The following PLIN1 variants were observed in gnomAD, a reference collection of about 807,000 sequenced individuals.
The protein encoded by PLIN1 is perilipin-1.
PLIN1 carries 37 observed loss-of-function variants against 45.8 expected under a neutral mutation model. That is an observed-to-expected ratio of 0.81 (90% CI 0.62 to 1.06). PLIN1 has a LOEUF of 1.06. Ranked by LOEUF, PLIN1 falls within the 50% of genes least tolerant of loss-of-function variation. The pLI, the probability that PLIN1 is intolerant of heterozygous loss-of-function variation, is 0.00. For missense variants in PLIN1, 776 were observed against 716.5 expected, an observed-to-expected ratio of 1.08 and a Z score of -0.95; for synonymous variants, 340 against 309.2, an observed-to-expected ratio of 1.10 and a Z score of -1.05.
chr15:89,666,134 C>T (rs1029721930), intron 8 of PLIN1, among the ~76,000 whole-genome samples, 192 bp from the exon 9 acceptor site: 4 of 152,224 alleles, frequency 2.6e-5, no homozygotes, highest in African/African-American at 9.6e-5. Flanking sequence ...TGAGCTTCTC[C>T]ATGGACCAGG....
rs774850573 is a variant in PLIN1, at chr15:89,666,962, C to T, written c.1183G>A (p.Val395Met). ...DALKGVTDNV[V>M]DTVVHYVPLP... ...GGCACGTAATGCACCACTGTGTCCA[C>T]CACGTTGTCAGTAACGCCCTTCAGG... The change falls in exon 8 of 9, where the codon GTG becomes ATG. Residue 395 changes from valine to methionine, a missense_variant. Val to Met is a conservative substitution (Grantham distance 21). Transcript: ENST00000300055. The T allele has an allele frequency of 4.3e-6, 7 of 1,614,110 alleles. No individual in the cohort carries two copies. In the Admixed American group the frequency reaches 1.2e-4, roughly 27 times the overall value.
chr15:89,671,759 TTCTG>T (rs1208492394), intron 3 of PLIN1, among the ~76,000 whole-genome samples, 195 bp from the exon 4 acceptor site: 1 of 152,088 alleles, frequency 6.6e-6, no homozygotes, highest in African/African-American at 2.4e-5. Flanking sequence ...GGCCAGTTTC[TTCTG>T]TCTGTGTGGG....
At chr15:89,665,981 C>G (rs1332944096) in intron 8 of PLIN1, 39 bp from the exon 9 acceptor site, 3 of 1,409,388 alleles carry the variant, frequency 2.1e-6, no homozygotes, top group Non-Finnish European at 2.8e-6. Flanking sequence ...CTGGCTTGGC[C>G]CTGGGCCCTG....
intron 2 of PLIN1, among the ~76,000 whole-genome samples, chr15:89,676,026 A>C (rs1349758686): frequency 6.9e-6 from 1 of 145,144 alleles, no homozygotes. Flanking sequence ...ATGAATGTTG[A>C]GAATTCTCCA....
chr15:89,669,249 G>C (rs1425687904), intron 6 of PLIN1, among the ~76,000 whole-genome samples: 1 of 152,166 alleles, frequency 6.6e-6, no homozygotes, highest in Admixed American at 6.5e-5. Context: ...ATAGAAGTGA[G>C]TGGTGGGGAA....
At position 89,665,715 on chromosome 15, in the gene PLIN1, C is replaced by G; in HGVS notation, c.1437G>C (p.Ala479=). The G allele has an allele frequency of 6.8e-7, 1 of 1,461,998 alleles. No individual in the cohort carries two copies. 90.6% of individuals were successfully genotyped at this position (1,461,998 alleles called of 1,614,324 possible). ...GCACGGCCGGGAAGCCCGGGCGCGGCGCTGCGGGCGTGGCGACTTCGTCCT... is the reference window on the plus strand; with the variant it reads ...GCACGGCCGGGAAGCCCGGGCGCGGGGCTGCGGGCGTGGCGACTTCGTCCT... ...GLEDEVATPA[A]PRPGFPAVPR... is the part of the protein sequence containing the mutation. The change falls in exon 9 of 9, where the codon GCG becomes GCC. Residue 479 remains alanine, a synonymous_variant. Coordinates refer to ENST00000300055, the MANE Select transcript of PLIN1 (RefSeq NM_002666.5).
chr15:89,665,180 A>C lies in PLIN1; in HGVS notation c.*403T>G, dbSNP rs886269084. On this transcript the variant is annotated 3_prime_UTR_variant, in exon 9 of 9. Coordinates refer to ENST00000300055, the MANE Select transcript of PLIN1 (RefSeq NM_002666.5). ...CAAAACCTTCTGTCTGGACCTTCAG[A>C]GTGGTGACAGGAGTTACTCATTCGT... 4.1e-6 allele frequency: 1 copy of C among 244,098 alleles called. No homozygotes were observed. Among genetic ancestry groups the C allele is most frequent in the African/African-American group, 2.3e-5 (1 of 43,776 alleles). 15.1% of individuals were successfully genotyped at this position (244,098 alleles called of 1,614,324 possible).
rs1964328681 is a variant in PLIN1 at position 89,665,823 on chromosome 15, C to T, written c.1329G>A (p.Pro443=). ...GCTGTGCGAGACGCGGGGCGGGCTCCGGGCCGGCGGACGGCGCCCCAGACG... is the reference window on the plus strand; with the variant it reads ...GCTGTGCGAGACGCGGGGCGGGCTCTGGGCCGGCGGACGGCGCCCCAGACG... ...RRASGAPSAG[P]EPAPRLAQPR... Residue 443 remains proline, a synonymous_variant, in exon 9 of 9, where the codon CCG becomes CCA. Coordinates refer to ENST00000300055, the MANE Select transcript of PLIN1 (RefSeq NM_002666.5). 1.2e-5 allele frequency: 17 copies of T among 1,403,844 alleles called. No individual in the cohort carries two copies. Among genetic ancestry groups the T allele is most frequent in the African/African-American group, 1.5e-5 (1 of 67,124 alleles). The allele number at this position is 1,403,844 out of a possible 1,614,324, so 87.0% of individuals were successfully genotyped here. A position where few individuals can be genotyped will look rare whatever the true frequency, so the allele number is the denominator to read the frequency against.
In PLIN1 at chr15:89,669,984, C is replaced by T. The variant is rs776872799; in HGVS notation, c.594G>A (p.Glu198=). Residue 198 remains glutamate (E), a synonymous_variant, in exon 5 of 9, where the codon GAG becomes GAA. Coordinates refer to ENST00000300055, the MANE Select transcript of PLIN1 (RefSeq NM_002666.5). ...GAGCCTCCGAATGGCAGGTACCTGACTCTTCCTTGTCTGGAGGGAGGAGGT... is the reference window on the plus strand; with the variant it reads ...GAGCCTCCGAATGGCAGGTACCTGATTCTTCCTTGTCTGGAGGGAGGAGGT... ...VEYLLPPDKE[E]SAPAPGHQQA... The T allele has an allele frequency of 3.7e-6, 6 of 1,610,962 alleles. No homozygotes were observed. Among genetic ancestry groups the T allele is most frequent in the Admixed American group, 3.3e-5 (2 of 59,872 alleles).
At chr15:89,675,580 C>G (rs917841987) in intron 2 of PLIN1, among the ~76,000 whole-genome samples, 1 of 151,582 alleles carries the variant, frequency 6.6e-6, no homozygotes, top group Non-Finnish European at 1.5e-5. Context: ...GCACTCCAGC[C>G]GGGGTGACAG....
rs1368361828 is a variant in PLIN1, at chr15:89,677,334, G to C, written c.45+111C>G. The C allele has an allele frequency of 8.8e-6, 8 of 907,314 alleles. No homozygotes were observed. The East Asian group carries it at 1.7e-4, about 19-fold the overall frequency. The allele number at this position is 907,314 out of a possible 1,614,324, so 56.2% of individuals were successfully genotyped here. A position where few individuals can be genotyped will look rare whatever the true frequency, so the allele number is the denominator to read the frequency against. On this transcript the variant is annotated intron_variant, in intron 2 of 8. Transcript: ENST00000300055. ...CTAAGCCATGGTAGTCAATGAACTAGGATTATAATCTGGGAATATCTTGCT... is the reference window on the plus strand; with the variant it reads ...CTAAGCCATGGTAGTCAATGAACTACGATTATAATCTGGGAATATCTTGCT...
chr15:89,671,430 G>C, intron 4 of PLIN1, 52 bp downstream of exon 4: 1 of 1,266,872 alleles, frequency 7.9e-7, no homozygotes, highest in Non-Finnish European at 1.1e-6. Flanking sequence ...TCCTCCCTGA[G>C]AGGCGGTGAC....
chr15:89,665,554 G>GC lies in PLIN1; in HGVS notation c.*28dup. On this transcript the variant is annotated 3_prime_UTR_variant, in exon 9 of 9. Transcript: ENST00000300055. ...GTTTATTTGTTAGAGAAACCCGCCGGCCCGGGGCGCGGCGGCTGGTGCGGC... is the reference window on the plus strand; with the variant it reads ...GTTTATTTGTTAGAGAAACCCGCCGGCCCCGGGGCGCGGCGGCTGGTGCGGC... The GC allele has an allele frequency of 6.6e-7, 1 of 1,522,628 alleles. No individual in the cohort carries two copies. Among genetic ancestry groups the GC allele is most frequent in the Non-Finnish European group, 8.8e-7 (1 of 1,137,202 alleles). 94.3% of individuals were successfully genotyped at this position (1,522,628 alleles called of 1,614,324 possible). A position where few individuals can be genotyped will look rare whatever the true frequency, so the allele number is the denominator to read the frequency against.
intron 5 of PLIN1, 26 bp from the exon 6 acceptor site, chr15:89,669,698 A>C (rs1436065083): frequency 6.2e-7 from 1 of 1,610,376 alleles, no homozygotes; most frequent in Admixed American, 1.7e-5. Flanking sequence ...GGGGGAAAGA[A>C]GAGAAAACAG....
At chr15:89,670,565 A>G (rs1964425170) in intron 4 of PLIN1, among the ~76,000 whole-genome samples, 1 of 152,144 alleles carries the variant, frequency 6.6e-6, no homozygotes, top group Non-Finnish European at 1.5e-5. Flanking sequence ...CTCACAAGGA[A>G]TCTCCTCCAT....
chr15:89,673,392 C>T lies in PLIN1; in HGVS notation c.68G>A (p.Arg23Gln), dbSNP rs558758115. The change falls in exon 3 of 9, where the codon CGG becomes CAG. Residue 23 changes from arginine to glutamine, a missense_variant. Coordinates refer to ENST00000300055, the MANE Select transcript of PLIN1 (RefSeq NM_002666.5). ...DLPEQENVLQ[R>Q]VLQLPVVSGT... ...ACTCACCACCGGCAGCTGCAGGACC[C>T]GCTGCAGCACATTCTCCTGCTCCTG... 19 of 1,602,336 alleles carry T rather than the reference C, an allele frequency of 1.2e-5. No homozygotes were observed. The highest frequency in any genetic ancestry group is 2.7e-5 in the African/African-American group (2 of 74,888).
In PLIN1 at chr15:89,669,959, G is replaced by A. The variant is rs78793278; in HGVS notation, c.598+21C>T. 1,383 of 1,603,666 alleles carry A rather than the reference G, an allele frequency of 8.6e-4. 7 individuals are homozygous for A. The African/African-American group carries it at 0.016, about 19-fold the overall frequency. On this transcript the variant is annotated intron_variant, in intron 5 of 8. Coordinates refer to ENST00000300055, the MANE Select transcript of PLIN1 (RefSeq NM_002666.5). ...GTGTGTGACAACTCACTCCCAGGCC[G>A]AGCCTCCGAATGGCAGGTACCTGAC... is the stretch of plus-strand genomic sequence containing the variant.
intron 3 of PLIN1, among the ~76,000 whole-genome samples, chr15:89,672,555 A>G (rs1964455999): frequency 6.6e-6 from 1 of 152,170 alleles, no homozygotes; most frequent in Non-Finnish European, 1.5e-5. Flanking sequence ...TAATTCTGTA[A>G]TTAGGATGGT....
chr15:89,666,592 C>T (rs1049599239), intron 8 of PLIN1, among the ~76,000 whole-genome samples: 4 of 152,186 alleles, frequency 2.6e-5, no homozygotes, highest in African/African-American at 7.2e-5. Context: ...CCAACCCCTT[C>T]CCAGGCAGCA....
Sources: gnomAD v4.1 joint callset for allele counts (sites outside exome capture counted in the v4.1 genomes callset) on GRCh38, gnomAD v4.1.1 for gene constraint, MANE v1.5 for transcripts, NCBI Gene and HGNC (gene_info 2026-07-23, HGNC 2026-07-21) for gene names.